CFAP299: variants seen among roughly 807,000 people sequenced by gnomAD.
CFAP299 encodes the protein cilia- and flagella-associated protein 299.
A neutral mutation model predicts 27.0 loss-of-function variants in CFAP299; 21 were observed. That is an observed-to-expected ratio of 0.78 (90% CI 0.55 to 1.12). The LOEUF (loss-of-function observed/expected upper bound fraction) is 1.12, where lower values mean the gene tolerates loss of function less well. CFAP299 is among the 50% of genes most tolerant of loss of function. The pLI is 0.00. For missense variants in CFAP299, 310 were observed against 276.6 expected (o/e 1.12, Z -0.86); for synonymous variants, 104 against 98.1 (o/e 1.06, Z -0.36).
intron 3 of CFAP299, among the ~76,000 whole-genome samples, chr4:80,621,484 C>G (rs911533477): frequency 5.9e-5 from 9 of 151,932 alleles, no homozygotes; most frequent in African/African-American, 2.2e-4. Flanking sequence ...TTTGCACACT[C>G]TTCTGACACA....
At chr4:80,511,046 G>A (rs1732272340) in intron 2 of CFAP299, among the ~76,000 whole-genome samples, 1 of 152,068 alleles carries the variant, frequency 6.6e-6, no homozygotes. Flanking sequence ...TAATACTTTG[G>A]TCTAATTTTA....
intron 2 of CFAP299, among the ~76,000 whole-genome samples, chr4:80,412,757 T>A (rs183902657): frequency 1.3e-3 from 205 of 152,308 alleles, no homozygotes; most frequent in African/African-American, 4.7e-3. Flanking sequence ...AAATGATGCC[T>A]TGACACACAC....
In CFAP299 at chr4:80,963,527, G is replaced by T; in HGVS notation, c.617G>T (p.Gly206Val). Residue 206 changes from glycine to valine, a missense_variant, in exon 6 of 6, where the codon GGT (glycine) becomes GTT (valine). Coordinates refer to ENST00000358105, the MANE Select transcript of CFAP299 (RefSeq NM_152770.3). Reference sequence around the variant, plus strand: ...ATTTATGTATTTTAGGCGCAGCCAGGTGACAACTCTACTAGAATCACTATC... The same window carrying T: ...ATTTATGTATTTTAGGCGCAGCCAGTTGACAACTCTACTAGAATCACTATC... ...ILNVDPKAQP[G>V]DNSTRITILT... 1 of 1,597,002 alleles carries T rather than the reference G, an allele frequency of 6.3e-7. No homozygotes were observed. The highest frequency in any genetic ancestry group is 8.5e-7 in the Non-Finnish European group (1 of 1,171,892).
intron 2 of CFAP299, among the ~76,000 whole-genome samples, chr4:80,537,284 C>T (rs927766169): frequency 1.3e-5 from 2 of 151,844 alleles, no homozygotes; most frequent in African/African-American, 4.8e-5. Flanking sequence ...TATAGAGGTT[C>T]CTCAAAAAAA....
chr4:80,591,512 T>C (rs891589338), intron 3 of CFAP299, among the ~76,000 whole-genome samples: 13 of 152,182 alleles, frequency 8.5e-5, no homozygotes, highest in Non-Finnish European at 1.0e-4. Context: ...TTATTTCTTC[T>C]CTGGAAATGG....
rs191857694 is a variant in CFAP299 at position 80,661,536 on chromosome 4, G to A, written c.333+78353G>A. Among the ~76,000 whole-genome samples the A allele has an allele frequency of 5.1e-3, 771 of 152,230 alleles. 5 individuals carry two copies. Among genetic ancestry groups the A allele is most frequent in the Middle Eastern group, 0.02 (6 of 294 alleles). ...TTAATGGACAATTATCACTTCCCCAGTCAATACTCTTGTGATTTCCTATGC... is the reference window on the plus strand; with the variant it reads ...TTAATGGACAATTATCACTTCCCCAATCAATACTCTTGTGATTTCCTATGC... On this transcript the variant is annotated intron_variant, in intron 3 of 5. Transcript: ENST00000358105.
upstream of CFAP299, among the ~76,000 whole-genome samples, chr4:80,332,373 G>T (rs955812111): frequency 6.6e-6 from 1 of 152,060 alleles, no homozygotes; most frequent in African/African-American, 2.4e-5. Flanking sequence ...TTTAAAATGG[G>T]AAAGGAGCTG....
chr4:80,614,584 A>T (rs2109922220), intron 3 of CFAP299, among the ~76,000 whole-genome samples: 1 of 152,278 alleles, frequency 6.6e-6, no homozygotes, highest in African/African-American at 2.4e-5. Flanking sequence ...GCCTCCTAAA[A>T]GGTTGGGAGC....
At chr4:80,347,939 C>T (rs888513424) in intron 1 of CFAP299, among the ~76,000 whole-genome samples, 16 of 151,782 alleles carry the variant, frequency 1.1e-4, no homozygotes, top group African/African-American at 3.6e-4. Context: ...CACAGAGCAA[C>T]AGAACAGAAT....
intron 3 of CFAP299, among the ~76,000 whole-genome samples, chr4:80,842,330 T>C (rs1370978507): frequency 6.6e-6 from 1 of 152,128 alleles, no homozygotes; most frequent in African/African-American, 2.4e-5. Context: ...GGCTTATCCC[T>C]CCAGCTTTTC....
intron 4 of CFAP299, among the ~76,000 whole-genome samples, chr4:80,908,152 T>G (rs1205883158): frequency 6.6e-6 from 1 of 152,234 alleles, no homozygotes. Context: ...CATAAATTCT[T>G]CTACTGATAT....
At chr4:80,526,585 A>T (rs1013403717) in intron 2 of CFAP299, among the ~76,000 whole-genome samples, 8 of 152,146 alleles carry the variant, frequency 5.3e-5, no homozygotes, top group Non-Finnish European at 1.2e-4. Context: ...ATATCTGTAC[A>T]ACCCTACATT....
chr4:80,655,024 G>A (rs1446533541), intron 3 of CFAP299, among the ~76,000 whole-genome samples: 1 of 152,044 alleles, frequency 6.6e-6, no homozygotes, highest in Non-Finnish European at 1.5e-5. Context: ...CCCACAAAAT[G>A]TAATATTTTA....
intron 2 of CFAP299, among the ~76,000 whole-genome samples, chr4:80,419,869 G>C (rs1156634392): frequency 1.3e-5 from 2 of 152,126 alleles, no homozygotes; most frequent in Admixed American, 6.5e-5. Flanking sequence ...TAGGAGGCAA[G>C]AGAAAACTTT....
chr4:80,744,219 A>G (rs2110066382), intron 3 of CFAP299, among the ~76,000 whole-genome samples: 1 of 152,250 alleles, frequency 6.6e-6, no homozygotes. Context: ...AAAGCAATAT[A>G]ATGAACTTAA....
At chr4:80,623,424 G>A (rs898470839) in intron 3 of CFAP299, among the ~76,000 whole-genome samples, 2 of 152,084 alleles carry the variant, frequency 1.3e-5, no homozygotes, top group Admixed American at 6.6e-5. Flanking sequence ...AGAACCAAAC[G>A]AAGAGATGGG....
At chr4:80,689,882 G>C (rs1720533730) in intron 3 of CFAP299, among the ~76,000 whole-genome samples, 1 of 151,782 alleles carries the variant, frequency 6.6e-6, no homozygotes, top group African/African-American at 2.4e-5. Flanking sequence ...AAAAAGGCAG[G>C]GGTTGCAATC....
chr4:80,759,997 A>C (rs1249781563), intron 3 of CFAP299, among the ~76,000 whole-genome samples: 1 of 152,048 alleles, frequency 6.6e-6, no homozygotes, highest in Non-Finnish European at 1.5e-5. Flanking sequence ...GGCCTTGGAA[A>C]TGTATCCAGG....
At chr4:80,925,494 G>A (rs188366261) in intron 4 of CFAP299, among the ~76,000 whole-genome samples, 1 of 152,036 alleles carries the variant, frequency 6.6e-6, no homozygotes, top group Admixed American at 6.6e-5. Context: ...TGATGTGGTT[G>A]AAAGACTGTC....
Sources: gnomAD v4.1 joint callset for allele counts (sites outside exome capture counted in the v4.1 genomes callset) on GRCh38, gnomAD v4.1.1 for gene constraint, MANE v1.5 for transcripts, NCBI Gene and HGNC (gene_info 2026-07-23, HGNC 2026-07-21) for gene names.